The following THSD7B variants were observed in gnomAD, a reference collection of about 807,000 sequenced individuals.
THSD7B encodes the protein thrombospondin type 1 domain containing 7B.
In THSD7B, 138 loss-of-function variants were observed where a neutral mutation model predicts 213.6. The ratio of observed to expected loss-of-function variants is 0.65; its 90% CI spans 0.56 to 0.74. The LOEUF (loss-of-function observed/expected upper bound fraction) is 0.74, where lower values mean the gene tolerates loss of function less well. Among genes scored for constraint, THSD7B ranks in the 30% least tolerant of loss-of-function variants. THSD7B has a pLI of 0.00. For synonymous variants in THSD7B, 742 were observed against 687.0 expected, an observed-to-expected ratio of 1.08 and a Z score of -1.25; for missense variants, 1,931 against 1,991.5, an observed-to-expected ratio of 0.97 and a Z score of 0.58.
At chr2:137,088,067 C>T (rs1460133748) in intron 3 of THSD7B, among the ~76,000 whole-genome samples, 3 of 151,898 alleles carry the variant, frequency 2.0e-5, no homozygotes, top group African/African-American at 7.3e-5. Flanking sequence ...CAGTGAAACC[C>T]TGTCTCTACT....
chr2:137,424,256 C>T (rs1044846113), intron 14 of THSD7B, among the ~76,000 whole-genome samples: 4 of 151,978 alleles, frequency 2.6e-5, no homozygotes, highest in African/African-American at 9.7e-5. Flanking sequence ...TAGGCAGAGA[C>T]TTCTTAGATA....
intron 6 of THSD7B, among the ~76,000 whole-genome samples, chr2:137,168,528 G>C (rs1376633589): frequency 2.0e-5 from 3 of 152,184 alleles, no homozygotes; most frequent in East Asian, 3.9e-4. Context: ...ACAAATGAAA[G>C]ACTGAAGGAA....
intron 1 of THSD7B, among the ~76,000 whole-genome samples, chr2:136,811,076 C>G (rs1682367355): frequency 1.3e-5 from 2 of 152,134 alleles, no homozygotes; most frequent in Admixed American, 1.3e-4. Flanking sequence ...CCTGGAAAGT[C>G]TCATTCACAA....
intron 15 of THSD7B, among the ~76,000 whole-genome samples, chr2:137,545,180 A>G (rs2105196750): frequency 6.6e-6 from 1 of 152,044 alleles, no homozygotes; most frequent in Non-Finnish European, 1.5e-5. Flanking sequence ...AAATTTCATC[A>G]ACTTCGTATT....
chr2:136,981,190 G>A (rs1445545374), intron 2 of THSD7B, among the ~76,000 whole-genome samples: 1 of 152,180 alleles, frequency 6.6e-6, no homozygotes, highest in East Asian at 1.9e-4. Flanking sequence ...AGATATGAAA[G>A]TTCATTTGAA....
intron 12 of THSD7B, among the ~76,000 whole-genome samples, chr2:137,324,765 A>G (rs1684331633): frequency 6.6e-6 from 1 of 152,238 alleles, no homozygotes. Flanking sequence ...TCAAGGGTAT[A>G]AAAACAGGAA....
chr2:137,667,330 T>C (rs1336186538), intron 26 of THSD7B, among the ~76,000 whole-genome samples: 2 of 152,174 alleles, frequency 1.3e-5, no homozygotes, highest in East Asian at 1.9e-4. Flanking sequence ...GACTGACTTA[T>C]GCGTGTCTCA....
At chr2:137,588,937 G>A (rs530005679) in intron 17 of THSD7B, among the ~76,000 whole-genome samples, 2 of 152,024 alleles carry the variant, frequency 1.3e-5, no homozygotes, top group African/African-American at 2.4e-5. Flanking sequence ...ATGCCACCAT[G>A]CCCAGGTAAT....
intron 2 of THSD7B, among the ~76,000 whole-genome samples, chr2:136,901,255 C>T (rs985789070): frequency 2.0e-5 from 3 of 152,198 alleles, no homozygotes; most frequent in Non-Finnish European, 4.4e-5. Context: ...CAAGACATAG[C>T]TACTGTTTCC....
intron 6 of THSD7B, among the ~76,000 whole-genome samples, chr2:137,160,782 C>T (rs1454127061): frequency 1.3e-5 from 2 of 152,136 alleles, no homozygotes; most frequent in Non-Finnish European, 2.9e-5. Context: ...TGCAACCAAG[C>T]CCTGCTAATT....
At chr2:137,526,397 G>A (rs1270161707) in intron 15 of THSD7B, among the ~76,000 whole-genome samples, 2 of 150,790 alleles carry the variant, frequency 1.3e-5, no homozygotes, top group African/African-American at 5.0e-5. Context: ...TAAGTTTAGG[G>A]TTTGTTGTTG....
Position 137,659,357 on chromosome 2 carries a change from T to C in THSD7B, c.4376-307T>C, listed in dbSNP as rs528768534. ...CTCCTGAGTTTAAATTTAGATTTTATCAATTCTTCTACAGATTCTGGCTCA... is the reference window on the plus strand; with the variant it reads ...CTCCTGAGTTTAAATTTAGATTTTACCAATTCTTCTACAGATTCTGGCTCA... On this transcript the variant is annotated intron_variant, in intron 24 of 27. Transcript: ENST00000409968. Among the ~76,000 whole-genome samples the C allele has an allele frequency of 5.3e-5, 8 of 152,286 alleles. No individual in the cohort carries two copies. The South Asian group carries it at 1.2e-3, about 24-fold the overall frequency.
In THSD7B at chr2:136,905,529, C is replaced by T. The variant is rs565975499; in HGVS notation, c.139+23212C>T. Among the ~76,000 whole-genome samples, 11 of 152,278 alleles carry T rather than the reference C, an allele frequency of 7.2e-5. 1 individual carries two copies. The East Asian group carries it at 9.7e-4, about 13-fold the overall frequency. The stretch of plus-strand genomic sequence containing the variant: ...GCTAAGTGCTTTGCATGAATTATGC[C>T]GTTAATGTATTAGCAAGACCATGTC... On this transcript the variant is annotated intron_variant, in intron 2 of 27. Transcript: ENST00000409968.
chr2:137,061,301 C>CAAAAAAA (rs35908147), intron 3 of THSD7B, among the ~76,000 whole-genome samples: 1 of 144,946 alleles, frequency 6.9e-6, no homozygotes, highest in Non-Finnish European at 1.5e-5. Context: ...ATGTCATCTG[C>CAAAAAAA]AAAAAAAAAA....
chr2:136,970,177 G>A (rs931918551), intron 2 of THSD7B, among the ~76,000 whole-genome samples: 2 of 152,024 alleles, frequency 1.3e-5, no homozygotes, highest in Non-Finnish European at 1.5e-5. Flanking sequence ...GTAAAGTAGA[G>A]GAATGGCCAG....
At chr2:136,808,704 C>T (rs920386190) in intron 1 of THSD7B, among the ~76,000 whole-genome samples, 7 of 152,220 alleles carry the variant, frequency 4.6e-5, no homozygotes, top group African/African-American at 4.8e-5. Context: ...CGATTCCTTT[C>T]ATCCTTAGGA....
chr2:137,015,459 G>T (rs1405960144), intron 2 of THSD7B, among the ~76,000 whole-genome samples: 1 of 152,076 alleles, frequency 6.6e-6, no homozygotes, highest in African/African-American at 2.4e-5. Context: ...TACCCCCATT[G>T]TCCCAGCAGC....
chr2:136,828,138 A>G (rs1005107819), intron 1 of THSD7B, among the ~76,000 whole-genome samples: 1 of 152,070 alleles, frequency 6.6e-6, no homozygotes, highest in South Asian at 2.1e-4. Context: ...CTGACCCCAC[A>G]TGCCACCTGA....
At chr2:137,011,694 A>G (rs1219564619) in intron 2 of THSD7B, among the ~76,000 whole-genome samples, 1 of 152,144 alleles carries the variant, frequency 6.6e-6, no homozygotes, top group African/African-American at 2.4e-5. Context: ...CAGCACCACA[A>G]GCTCCTTTTC....
Sources: allele counts gnomAD v4.1 joint callset (sites outside exome capture counted in the v4.1 genomes callset), GRCh38; gene constraint gnomAD v4.1.1; transcripts MANE v1.5; gene names NCBI Gene and HGNC (gene_info 2026-07-23, HGNC 2026-07-21).